RGS5: variants seen among roughly 807,000 people sequenced by gnomAD.
The protein encoded by RGS5 is regulator of G-protein signalling 5.
A neutral mutation model predicts 18.9 loss-of-function variants in RGS5; 20 were observed. That is an observed-to-expected ratio of 1.06 (90% CI 0.74 to 1.54). The LOEUF (loss-of-function observed/expected upper bound fraction) is 1.54. Among genes scored for constraint, RGS5 ranks in the 40% most tolerant of loss-of-function variants. The pLI, the probability that RGS5 is intolerant of heterozygous loss-of-function variation, is 0.00. For missense variants in RGS5, 201 were observed against 211.8 expected, an observed-to-expected ratio of 0.95 and a Z score of 0.32; for synonymous variants, 57 against 76.2, an observed-to-expected ratio of 0.75 and a Z score of 1.31.
chr1:163,272,246 CTA>C, intron 2 of RGS5, among the ~76,000 whole-genome samples: 1 of 151,940 alleles, frequency 6.6e-6, no homozygotes, highest in Middle Eastern at 3.4e-3. Context: ...TACCTTTTGC[CTA>C]TGTTTTAGAT....
chr1:163,163,459 T>C (rs1176732535), intron 2 of RGS5, among the ~76,000 whole-genome samples: 1 of 148,598 alleles, frequency 6.7e-6, no homozygotes, highest in Non-Finnish European at 1.5e-5. Flanking sequence ...CCATTTCCTC[T>C]GGCTAGTATA....
intron 2 of RGS5, among the ~76,000 whole-genome samples, chr1:163,276,636 C>G (rs977857160): frequency 3.3e-5 from 5 of 152,134 alleles, no homozygotes; most frequent in Non-Finnish European, 5.9e-5. Context: ...CTGTCCATGT[C>G]CATTACTGTC....
chr1:163,243,228 G>A (rs1647835454), intron 2 of RGS5, among the ~76,000 whole-genome samples: 1 of 152,104 alleles, frequency 6.6e-6, no homozygotes, highest in South Asian at 2.1e-4. Flanking sequence ...ACTCATAAGT[G>A]GGAGATGAAC....
intron 2 of RGS5, among the ~76,000 whole-genome samples, chr1:163,287,253 T>C (rs1649168178): frequency 6.6e-6 from 1 of 152,212 alleles, no homozygotes; most frequent in African/African-American, 2.4e-5. Flanking sequence ...CTATGTAGAA[T>C]GCTAGGACAA....
chr1:163,222,835 T>C (rs926012899), intron 2 of RGS5, among the ~76,000 whole-genome samples: 68 of 152,178 alleles, frequency 4.5e-4, no homozygotes, highest in African/African-American at 1.5e-3. Context: ...AAAATTTTAG[T>C]GAGCTGCTTC....
intron 2 of RGS5, among the ~76,000 whole-genome samples, chr1:163,262,829 G>GACTTTTTAATGAA (rs1187111509): frequency 1.4e-4 from 22 of 151,978 alleles, no homozygotes; most frequent in Non-Finnish European, 3.1e-4. Context: ...GTTGTTTCCT[G>GACTTTTTAATGAA]ACTTTTTAAT....
At chr1:163,151,787 C>T (rs1290762212) in intron 4 of RGS5, among the ~76,000 whole-genome samples, 1 of 152,154 alleles carries the variant, frequency 6.6e-6, no homozygotes, top group South Asian at 2.1e-4. Context: ...GGTATTTCTT[C>T]ATAGCAGTGA....
intron 2 of RGS5, among the ~76,000 whole-genome samples, chr1:163,257,299 C>A (rs1015428847): frequency 2.0e-5 from 3 of 151,910 alleles, no homozygotes; most frequent in African/African-American, 7.3e-5. Flanking sequence ...TTGGGGAGGG[C>A]GAGATCAGAA....
chr1:163,230,620 A>C (rs151248851), intron 2 of RGS5, among the ~76,000 whole-genome samples: 51 of 152,328 alleles, frequency 3.3e-4, no homozygotes, highest in African/African-American at 1.2e-3. Flanking sequence ...AAGCAGTCTA[A>C]AGTTCAGTAT....
chr1:163,195,267 G>A (rs926572859), intron 1 of RGS5, among the ~76,000 whole-genome samples: 4 of 152,148 alleles, frequency 2.6e-5, no homozygotes, highest in East Asian at 1.9e-4. Context: ...GAATAATGTC[G>A]TTTGCAGCAA....
intron 3 of RGS5, among the ~76,000 whole-genome samples, chr1:163,155,429 T>C (rs950697718): frequency 6.6e-6 from 1 of 152,202 alleles, no homozygotes; most frequent in Admixed American, 6.5e-5. Context: ...TTTTTGTTCA[T>C]GTATAACTCA....
At chr1:163,162,806 T>G (rs1465663287) in intron 2 of RGS5, 1 of 152,126 alleles carries the variant, frequency 6.6e-6, no homozygotes, top group Non-Finnish European at 1.5e-5. Flanking sequence ...CAAGTGGAGC[T>G]GATATTGTCC....
intron 2 of RGS5, among the ~76,000 whole-genome samples, chr1:163,276,762 C>T (rs1444457698): frequency 6.6e-6 from 1 of 152,138 alleles, no homozygotes; most frequent in Non-Finnish European, 1.5e-5. Context: ...GGCAATGCTA[C>T]AAGACAAAAT....
chr1:163,213,763 C>T (rs953382472), intron 1 of RGS5, among the ~76,000 whole-genome samples: 1 of 152,180 alleles, frequency 6.6e-6, no homozygotes, highest in Non-Finnish European at 1.5e-5. Flanking sequence ...ACTGTGTCAT[C>T]TGTATTCAGG....
rs751332579 is a variant in RGS5 at position 163,161,923 on chromosome 1, T to C, written c.209A>G (p.Gln70Arg). ...QWRDSLDKLL[Q>R]NNYGLASFKS... Reference sequence around the variant, plus strand: ...AAACAATGGAAACTTACAGTTGTTCTGCAGGAGTTTGTCCAGGGAATCACG... The same window carrying C: ...AAACAATGGAAACTTACAGTTGTTCCGCAGGAGTTTGTCCAGGGAATCACG... Residue 70 changes from glutamine (Q) to arginine (R), a missense_variant, in exon 3 of 5, where the codon CAG becomes CGG. Transcript: ENST00000313961. The C allele has an allele frequency of 6.2e-7, 1 of 1,613,084 alleles. No individual in the cohort carries two copies. Among genetic ancestry groups the C allele is most frequent in the Non-Finnish European group, 8.5e-7 (1 of 1,179,136 alleles).
intron 1 of RGS5, among the ~76,000 whole-genome samples, chr1:163,179,874 C>G (rs146201479): frequency 2.6e-5 from 4 of 152,266 alleles, no homozygotes; most frequent in Non-Finnish European, 5.9e-5. Flanking sequence ...TTTACTCAAC[C>G]CTTCTTCCCA....
intron 2 of RGS5, chr1:163,238,114 ATAATTT>A (rs1404206024): frequency 6.5e-6 from 1 of 155,026 alleles, no homozygotes; most frequent in East Asian, 1.9e-4. Flanking sequence ...GGATTATCTT[ATAATTT>A]TAAGATATTT....
intron 3 of RGS5, among the ~76,000 whole-genome samples, chr1:163,154,403 G>A (rs2815275): frequency 0.76 from 116,137 of 152,048 alleles, 44,595 homozygotes; most frequent in East Asian, 0.88. Context: ...GTTAACTTGT[G>A]TTAGGGTCAC....
rs946292447 is a variant in RGS5 at position 163,142,862 on chromosome 1, A to C, written c.*4480T>G. The C allele has an allele frequency of 5.3e-5, 8 of 152,188 alleles. No individual in the cohort carries two copies. Among genetic ancestry groups the C allele is most frequent in the African/African-American group, 1.9e-4 (8 of 41,448 alleles). The allele number at this position is 152,188 out of a possible 1,614,324, so 9.4% of individuals were successfully genotyped here. The stretch of plus-strand genomic sequence containing the variant: ...GGTGAGAGAACAAGTAACTTGCAAG[A>C]GGCTTATTAAACTGTATATAAATGT... On this transcript the variant is annotated 3_prime_UTR_variant, in exon 5 of 5. Transcript: ENST00000313961.
Sources: allele counts gnomAD v4.1 joint callset (sites outside exome capture counted in the v4.1 genomes callset), GRCh38; gene constraint gnomAD v4.1.1; transcripts MANE v1.5; gene names NCBI Gene and HGNC (gene_info 2026-07-23, HGNC 2026-07-21).